PDZD2: variants seen among roughly 807,000 people sequenced by gnomAD.
The protein encoded by PDZD2 is PDZ domain-containing protein 2.
In PDZD2, 90 loss-of-function variants were observed where a neutral mutation model predicts 220.7. The observed-to-expected ratio is 0.41, with a 90% CI of 0.34 to 0.49. The LOEUF (loss-of-function observed/expected upper bound fraction) is 0.49, where lower values mean the gene tolerates loss of function less well. Ranked by LOEUF, PDZD2 falls within the 20% of genes least tolerant of loss-of-function variation. The pLI, the probability that PDZD2 is intolerant of heterozygous loss-of-function variation, is 0.28. For synonymous variants in PDZD2, 1,375 were observed against 1,450.5 expected, an observed-to-expected ratio of 0.95 and a Z score of 1.18; for missense variants, 3,174 against 3,608.5, an observed-to-expected ratio of 0.88 and a Z score of 3.08.
At chr5:31,944,651 A>G (rs1746476306) in intron 2 of PDZD2, among the ~76,000 whole-genome samples, 1 of 152,242 alleles carries the variant, frequency 6.6e-6, no homozygotes, top group South Asian at 2.1e-4. Flanking sequence ...TTTAGATCCC[A>G]GAGTAACTGC....
intron 1 of PDZD2, among the ~76,000 whole-genome samples, chr5:31,688,581 G>A (rs112130696): frequency 0.064 from 9,771 of 152,166 alleles, 1,082 homozygotes; most frequent in African/African-American, 0.22. Flanking sequence ...TGACGGATAT[G>A]GTGCAGGCTG....
intron 7 of PDZD2, among the ~76,000 whole-genome samples, chr5:32,041,973 T>G (rs182626563): frequency 0.016 from 2,314 of 148,312 alleles, 29 homozygotes; most frequent in Non-Finnish European, 0.025. Flanking sequence ...CCCAGCACTT[T>G]GGGAGGCCGA....
At chr5:31,727,701 CAAAAA>C (rs56763561) in intron 1 of PDZD2, among the ~76,000 whole-genome samples, 9 of 90,500 alleles carry the variant, frequency 9.9e-5, no homozygotes, top group Non-Finnish European at 1.3e-4. Flanking sequence ...AGCTCAATCT[CAAAAA>C]AAAAAAAAAA....
rs117682683 is a variant in PDZD2, at chr5:31,872,633, A to G, written c.476+72909A>G. Among the ~76,000 whole-genome samples, 354 of 152,258 alleles carry G rather than the reference A, an allele frequency of 2.3e-3. 5 individuals carry two copies. In the East Asian group the frequency reaches 0.036, roughly 16 times the overall value. On this transcript the variant is annotated intron_variant, in intron 2 of 24. Transcript: ENST00000438447. ...TTCTGCCCTTTACATTGTTACGAAC[A>G]TTGTATTTATTGTAGCCATTTAGTT... is the stretch of plus-strand genomic sequence containing the variant.
intron 1 of PDZD2, among the ~76,000 whole-genome samples, chr5:31,668,827 C>T (rs1052912322): frequency 6.6e-6 from 1 of 152,142 alleles, no homozygotes; most frequent in Non-Finnish European, 1.5e-5. Context: ...AATGTAGAAA[C>T]AGCATCCCAG....
In PDZD2 at chr5:32,089,602, C is replaced by CAA; in HGVS notation, c.6155_6156insAA (p.Ser2053ArgfsTer27). On this transcript the variant is annotated frameshift_variant, in exon 20 of 25. Transcript: ENST00000438447. LOFTEE classifies it high-confidence loss of function. ...CGGCATGTCCGTGGCAGGGAACAGA[C>CAA]AGAGTGAGCCGCGCCTGGCCAGCCA... 6.2e-7 allele frequency: 1 copy of CAA among 1,612,780 alleles called. No individual in the cohort carries two copies. Among genetic ancestry groups the CAA allele is most frequent in the Non-Finnish European group, 8.5e-7 (1 of 1,179,936 alleles).
chr5:31,908,816 G>A (rs985706916), intron 2 of PDZD2: 1 of 620,578 alleles, frequency 1.6e-6, no homozygotes, highest in South Asian at 1.5e-5. Flanking sequence ...AGGCTGAGGC[G>A]GGAGGATCAC....
intron 2 of PDZD2, among the ~76,000 whole-genome samples, chr5:31,891,049 C>G (rs1740979204): frequency 6.6e-6 from 1 of 151,980 alleles, no homozygotes; most frequent in Non-Finnish European, 1.5e-5. Flanking sequence ...TTAATTGGCT[C>G]CAGCTCCAAC....
intron 19 of PDZD2, among the ~76,000 whole-genome samples, chr5:32,085,796 C>T (rs774121082): frequency 4.6e-4 from 70 of 152,072 alleles, no homozygotes; most frequent in Non-Finnish European, 9.1e-4. Context: ...GTTTTTTTTA[C>T]ACTCAAACTG....
intron 1 of PDZD2, among the ~76,000 whole-genome samples, chr5:31,703,090 T>C (rs1382035374): frequency 6.6e-6 from 1 of 152,240 alleles, no homozygotes; most frequent in African/African-American, 2.4e-5. Context: ...AGAAGAGCAC[T>C]GGGCTTCATG....
At chr5:32,010,092 A>G (rs1210091576) in intron 5 of PDZD2, among the ~76,000 whole-genome samples, 2 of 150,844 alleles carry the variant, frequency 1.3e-5, no homozygotes, top group Non-Finnish European at 2.9e-5. Context: ...CTCAAAAAAA[A>G]GAAAAAAGAA....
intron 2 of PDZD2, among the ~76,000 whole-genome samples, chr5:31,878,273 G>C (rs942094939): frequency 4.6e-5 from 7 of 152,142 alleles, no homozygotes; most frequent in African/African-American, 1.7e-4. Flanking sequence ...GATGCCCTCT[G>C]CTCCATGCCT....
chr5:32,025,590 G>GTTTTTTTTTT (rs1754582025), intron 6 of PDZD2, among the ~76,000 whole-genome samples: 1 of 67,652 alleles, frequency 1.5e-5, no homozygotes, highest in African/African-American at 7.0e-5. Flanking sequence ...TAACCATGAT[G>GTTTTTTTTTT]CTTTTTTTTT....
intron 2 of PDZD2, among the ~76,000 whole-genome samples, chr5:31,937,998 A>C (rs1002288305): frequency 1.3e-5 from 2 of 152,234 alleles, no homozygotes; most frequent in Non-Finnish European, 2.9e-5. Context: ...ACAAAGAAGA[A>C]TATAGGACAG....
rs1487488698 is a variant in PDZD2 at position 32,087,704 on chromosome 5, G to A, written c.4256G>A (p.Ser1419Asn). The change falls in exon 20 of 25, where the codon AGT (serine) becomes AAT (asparagine). Residue 1419 changes from serine to asparagine, a missense_variant. Ser to Asn is a conservative substitution (Grantham distance 46). Transcript: ENST00000438447. The surrounding 1 kb of genome is among the most constrained non-coding windows in gnomAD (Gnocchi z 4.0). ...HVSGHCCPGG[S>N]RESPVTDIDS... Reference sequence around the variant, plus strand: ...TCGGGGCACTGCTGCCCAGGGGGGAGTAGAGAGAGCCCTGTGACGGACATT... The same window carrying A: ...TCGGGGCACTGCTGCCCAGGGGGGAATAGAGAGAGCCCTGTGACGGACATT... The A allele has an allele frequency of 6.2e-7, 1 of 1,614,068 alleles. No individual in the cohort carries two copies. The highest frequency in any genetic ancestry group is 1.3e-5 in the African/African-American group (1 of 75,064).
At chr5:31,936,703 G>A (rs146202135) in intron 2 of PDZD2, among the ~76,000 whole-genome samples, 20 of 152,308 alleles carry the variant, frequency 1.3e-4, no homozygotes, top group Non-Finnish European at 2.5e-4. Context: ...ACCAGAAACC[G>A]ATTTTCAGGC....
At chr5:31,955,525 T>C (rs373594910) in intron 2 of PDZD2, among the ~76,000 whole-genome samples, 11 of 152,116 alleles carry the variant, frequency 7.2e-5, no homozygotes, top group African/African-American at 2.6e-4. Flanking sequence ...GGTCTTGAAC[T>C]CCCGACCTCA....
Position 31,798,887 on chromosome 5 carries a change from A to C in PDZD2, c.-360-2A>C. The C allele has an allele frequency of 4.0e-6, 1 of 247,730 alleles. No individual in the cohort carries two copies. The highest frequency in any genetic ancestry group is 7.8e-5 in the East Asian group (1 of 12,822). The allele number at this position is 247,730 out of a possible 1,614,324, so 15.3% of individuals were successfully genotyped here. A position where few individuals can be genotyped will look rare whatever the true frequency, so the allele number is the denominator to read the frequency against. ...TTTTGTGTTTTCCTCTTCCTCTCCC[A>C]GGTGTGAATGAGCCCAGGGAAGGAC... On this transcript the variant is annotated splice_acceptor_variant, in intron 1 of 24. Coordinates refer to ENST00000438447, the MANE Select transcript of PDZD2 (RefSeq NM_178140.4). LOFTEE classifies it low-confidence loss of function (5UTR_SPLICE).
chr5:31,869,206 G>A, intron 2 of PDZD2, among the ~76,000 whole-genome samples: 2 of 152,294 alleles, frequency 1.3e-5, no homozygotes, highest in Admixed American at 1.3e-4. Context: ...TACTTCTACT[G>A]GTGAGAGGCT....
Sources: allele counts gnomAD v4.1 joint callset (sites outside exome capture counted in the v4.1 genomes callset), GRCh38; gene constraint gnomAD v4.1.1; non-coding constraint Gnocchi (gnomAD v3.1); transcripts MANE v1.5; gene names NCBI Gene and HGNC (gene_info 2026-07-23, HGNC 2026-07-21).